The following SLK variants were observed in gnomAD, a reference collection of about 807,000 sequenced individuals.
SLK encodes the protein STE20-like serine/threonine-protein kinase.
In SLK, 67 loss-of-function variants were observed where a neutral mutation model predicts 147.7. The observed-to-expected ratio is 0.45, with a 90% CI of 0.37 to 0.56. The LOEUF (loss-of-function observed/expected upper bound fraction) is 0.56, where lower values mean the gene tolerates loss of function less well. SLK is among the 20% of genes least tolerant of loss of function. The pLI, the probability that SLK is intolerant of heterozygous loss-of-function variation, is 0.00. For synonymous variants in SLK, 441 were observed against 475.0 expected (o/e 0.93, Z 0.93); for missense variants, 1,136 against 1,438.8 (o/e 0.79, Z 3.41).
rs145464859 is a variant in SLK at position 104,001,562 on chromosome 10, A to G, written c.983A>G (p.Glu328Gly). The change falls in exon 8 of 19, where the codon GAA becomes GGA. Residue 328 changes from glutamate to glycine, a missense_variant. Around this residue, in one of 6 missense-constraint regions of SLK, gnomAD observed 516 missense variants for 531.3 expected, o/e 0.97. Coordinates refer to ENST00000369755, the MANE Select transcript of SLK (RefSeq NM_014720.4). ...GAGGAAGATGAAGAGGAGGAAACAGAAAATTCTCTGGTCAGTATTTAGGAA... is the reference window on the plus strand; with the variant it reads ...GAGGAAGATGAAGAGGAGGAAACAGGAAATTCTCTGGTCAGTATTTAGGAA... ...GKEEDEEEET[E>G]NSLPIPASKR... 5 of 1,613,924 alleles carry G rather than the reference A, an allele frequency of 3.1e-6. No individual in the cohort carries two copies. Among genetic ancestry groups the G allele is most frequent in the Middle Eastern group, 1.6e-4 (1 of 6,062 alleles).
intron 1 of SLK, among the ~76,000 whole-genome samples, chr10:103,969,292 T>TA (rs1425556774): frequency 1.3e-5 from 2 of 152,170 alleles, no homozygotes; most frequent in African/African-American, 2.4e-5. Context: ...TAAGCACCAT[T>TA]ACACTTCTGC....
chr10:104,018,673 T>C, intron 14 of SLK, 111 bp from the exon 15 acceptor site: 1 of 1,087,100 alleles, frequency 9.2e-7, no homozygotes, highest in Admixed American at 2.5e-5. Flanking sequence ...TGTCAACATG[T>C]GTGTACGAGT....
chr10:104,017,837 T>C (rs1237970982), intron 13 of SLK, among the ~76,000 whole-genome samples: 2 of 152,206 alleles, frequency 1.3e-5, no homozygotes, highest in African/African-American at 4.8e-5. Flanking sequence ...GAATGAGTAA[T>C]CAGTTTTAGA....
At chr10:103,982,743 G>A (rs554264164) in intron 1 of SLK, among the ~76,000 whole-genome samples, 2 of 152,316 alleles carry the variant, frequency 1.3e-5, no homozygotes, top group Admixed American at 6.5e-5. Flanking sequence ...AAAAAAATTT[G>A]ACTCCTCTAG....
intron 10 of SLK, 70 bp from the exon 11 acceptor site, chr10:104,005,842 T>A: frequency 6.5e-7 from 1 of 1,545,736 alleles, no homozygotes; most frequent in Non-Finnish European, 8.7e-7. Context: ...TTTTAAAGCT[T>A]TAAAAAAAAA....
intron 2 of SLK, among the ~76,000 whole-genome samples, chr10:103,992,141 G>GTTTTTTTTTTT (rs56381345): frequency 0.25 from 22,609 of 91,078 alleles, 5,611 homozygotes; most frequent in East Asian, 0.48. Context: ...TATTTCTTCT[G>GTTTTTTTTTTT]TTTTTTTTTT....
intron 13 of SLK, among the ~76,000 whole-genome samples, chr10:104,013,391 T>G (rs537910998): frequency 5.4e-4 from 82 of 152,296 alleles, no homozygotes; most frequent in Admixed American, 8.5e-4. Context: ...CTGGGATTTT[T>G]GGGGGTGAAT....
intron 9 of SLK, 33 bp from the exon 10 acceptor site, chr10:104,005,528 T>C: frequency 6.3e-7 from 1 of 1,582,354 alleles, no homozygotes; most frequent in Non-Finnish European, 8.6e-7. Flanking sequence ...GTATTCCTTG[T>C]ACAAAGCCTA....
intron 8 of SLK, 61 bp from the exon 9 acceptor site, chr10:104,002,111 C>T: frequency 8.0e-7 from 1 of 1,250,284 alleles, no homozygotes; most frequent in Non-Finnish European, 1.1e-6. Context: ...GGTCTGTAAA[C>T]ATTGTTTTGG....
At chr10:103,988,803 A>G (rs1031153695) in intron 1 of SLK, among the ~76,000 whole-genome samples, 4 of 150,302 alleles carry the variant, frequency 2.7e-5, no homozygotes, top group African/African-American at 9.8e-5. Context: ...TTTTTTTTTT[A>G]CTTGGCAGAT....
intron 14 of SLK, 26 bp downstream of exon 14, chr10:104,018,315 C>T (rs1397163353): frequency 1.3e-6 from 2 of 1,584,722 alleles, no homozygotes; most frequent in Non-Finnish European, 1.7e-6. Flanking sequence ...TTAAGAAATA[C>T]TGCAAAATGT....
chr10:103,981,566 G>A (rs1360325016), intron 1 of SLK, among the ~76,000 whole-genome samples: 2 of 151,968 alleles, frequency 1.3e-5, no homozygotes, highest in Non-Finnish European at 2.9e-5. Flanking sequence ...TTCACATGTG[G>A]ATATTCAGAT....
chr10:103,995,347 A>G (rs1844153208), intron 4 of SLK, among the ~76,000 whole-genome samples: 1 of 150,642 alleles, frequency 6.6e-6, no homozygotes. Flanking sequence ...GACAGTTCTG[A>G]GATGTTTCAG....
intron 15 of SLK, chr10:104,019,138 T>C: frequency 2.7e-6 from 1 of 375,382 alleles, no homozygotes; most frequent in South Asian, 3.5e-5. Flanking sequence ...TTAAAGACGT[T>C]TTACACCTTG....
chr10:103,998,931 A>G lies in SLK; in HGVS notation c.547A>G (p.Thr183Ala). ...TGGAGTATCAGCTAAAAACACGAGG[A>G]CAATTCAAAGAAGAGATTCCTTTAT... ...DFGVSAKNTR[T>A]IQRRDSFIGT... Residue 183 changes from threonine (T) to alanine (A), a missense_variant, in exon 5 of 19, where the codon ACA (threonine) becomes GCA (alanine). Physicochemically the swap from Thr to Ala is moderately conservative, Grantham distance 58. Around this residue, in one of 6 missense-constraint regions of SLK, gnomAD observed 141 missense variants for 219.3 expected, o/e 0.64. Coordinates refer to ENST00000369755, the MANE Select transcript of SLK (RefSeq NM_014720.4). 6.2e-7 allele frequency: 1 copy of G among 1,612,272 alleles called. No homozygotes were observed. The highest frequency in any genetic ancestry group is 2.2e-5 in the East Asian group (1 of 44,812).
At position 103,999,254 on chromosome 10, in the gene SLK, G is replaced by T. The variant is rs752544214; in HGVS notation, c.723G>T (p.Met241Ile). ...IEPPHHELNP[M>I]RVLLKIAKSE... ...CACCTCATCATGAATTAAATCCAAT[G>T]CGAGTGCTGCTAAAAATAGCAAAAT... is the stretch of plus-strand genomic sequence containing the variant. The change falls in exon 6 of 19, where the codon ATG becomes ATT. Residue 241 changes from methionine (M) to isoleucine (I), a missense_variant. Transcript: ENST00000369755. 1.2e-6 allele frequency: 2 copies of T among 1,613,548 alleles called. No homozygotes were observed. Among genetic ancestry groups the T allele is most frequent in the Non-Finnish European group, 1.7e-6 (2 of 1,179,766 alleles).
chr10:103,996,489 C>G (rs990725885), intron 4 of SLK, among the ~76,000 whole-genome samples: 2 of 150,460 alleles, frequency 1.3e-5, no homozygotes, highest in African/African-American at 2.5e-5. Flanking sequence ...AGCTCTGCCT[C>G]CCGGGTTCAC....
Position 104,026,378 on chromosome 10 carries a change from G to C in SLK, c.*658G>C, listed in dbSNP as rs41287518. ...CTAAATTTCAGTCAAGTCGTAAGTA[G>C]GATTTTCTTTTTGATCAACAGGGAC... On this transcript the variant is annotated 3_prime_UTR_variant, in exon 19 of 19. Coordinates refer to ENST00000369755, the MANE Select transcript of SLK (RefSeq NM_014720.4). 1 of 152,526 alleles carries C rather than the reference G, an allele frequency of 6.6e-6. No individual in the cohort carries two copies. Among genetic ancestry groups the C allele is most frequent in the Non-Finnish European group, 1.5e-5 (1 of 68,014 alleles). 9.4% of individuals were successfully genotyped at this position (152,526 alleles called of 1,614,324 possible). A position where few individuals can be genotyped will look rare whatever the true frequency, so the allele number is the denominator to read the frequency against.
intron 18 of SLK, among the ~76,000 whole-genome samples, chr10:104,022,822 G>T (rs1374173567): frequency 6.6e-6 from 1 of 152,152 alleles, no homozygotes; most frequent in Non-Finnish European, 1.5e-5. Flanking sequence ...TGGCCAGGCT[G>T]GTCTCAAACT....
Sources: allele counts gnomAD v4.1 joint callset (sites outside exome capture counted in the v4.1 genomes callset), GRCh38; gene constraint gnomAD v4.1.1; regional missense constraint gnomAD v4.1.1; transcripts MANE v1.5; gene names NCBI Gene and HGNC (gene_info 2026-07-23, HGNC 2026-07-21).